SPATA17: variants seen among roughly 807,000 people sequenced by gnomAD.
The protein encoded by SPATA17 is spermatogenesis associated 17.
In SPATA17, 53 loss-of-function variants were observed where a neutral mutation model predicts 62.2. The ratio of observed to expected loss-of-function variants is 0.85; its 90% CI spans 0.68 to 1.07. The LOEUF (loss-of-function observed/expected upper bound fraction) is 1.07. SPATA17 is among the 50% of genes least tolerant of loss of function. The pLI is 0.00. For missense variants in SPATA17, 466 were observed against 425.5 expected (o/e 1.10, Z -0.84); for synonymous variants, 146 against 146.8 (o/e 0.99, Z 0.04).
chr1:217,682,637 C>A (rs935265773), intron 4 of SPATA17, among the ~76,000 whole-genome samples: 1 of 151,860 alleles, frequency 6.6e-6, no homozygotes, highest in African/African-American at 2.4e-5. Flanking sequence ...TAACTGTTTC[C>A]ACATCTGTAA....
rs144362975 is a variant in SPATA17, at chr1:217,767,982, C to G, written c.520-6352C>G. ...GAAATGTGGGCCCGGCGCAGTGGCT[C>G]ATGCTTGTAATTCCAGCACTTTGGG... is the stretch of plus-strand genomic sequence containing the variant. On this transcript the variant is annotated intron_variant, in intron 6 of 10. Transcript: ENST00000366933. 1.7e-3 allele frequency among the ~76,000 whole-genome samples: 262 copies of G among 152,274 alleles called. 1 individual carries two copies. The highest frequency in any genetic ancestry group is 3.2e-3 in the Non-Finnish European group (221 of 68,014).
At chr1:217,774,577 T>G (rs773829914) in intron 7 of SPATA17, 40 bp downstream of exon 7, 2 of 1,571,706 alleles carry the variant, frequency 1.3e-6, no homozygotes, top group Non-Finnish European at 1.7e-6. Context: ...ATTAATTTTA[T>G]TCTTGCTATT....
chr1:217,766,735 T>A (rs1255563521), intron 6 of SPATA17, among the ~76,000 whole-genome samples: 1 of 129,720 alleles, frequency 7.7e-6, no homozygotes, highest in Non-Finnish European at 1.7e-5. Flanking sequence ...TTTTTTTTTT[T>A]ATCTTGTCTT....
intron 1 of SPATA17, among the ~76,000 whole-genome samples, chr1:217,633,521 G>A (rs889841501): frequency 2.0e-5 from 3 of 152,138 alleles, no homozygotes; most frequent in Non-Finnish European, 4.4e-5. Flanking sequence ...CAGGGCAGGC[G>A]GATGTCTTGA....
chr1:217,700,413 G>T (rs1344894924), intron 5 of SPATA17, among the ~76,000 whole-genome samples: 2 of 152,042 alleles, frequency 1.3e-5, no homozygotes, highest in Non-Finnish European at 2.9e-5. Flanking sequence ...TAATTTGGAA[G>T]ATTTAAGCCT....
chr1:217,811,695 G>GA (rs34981943), intron 9 of SPATA17, among the ~76,000 whole-genome samples: 45,395 of 127,278 alleles, frequency 0.36, 8,421 homozygotes, highest in Non-Finnish European at 0.44. Context: ...TCCACCTCGA[G>GA]AAAAAAAAAA....
At chr1:217,817,813 A>G (rs538426013) in intron 9 of SPATA17, among the ~76,000 whole-genome samples, 1 of 152,152 alleles carries the variant, frequency 6.6e-6, no homozygotes, top group African/African-American at 2.4e-5. Context: ...TAGGTTAATG[A>G]CTAGGACCAC....
intron 3 of SPATA17, among the ~76,000 whole-genome samples, chr1:217,654,984 A>G (rs905978999): frequency 2.8e-4 from 43 of 152,210 alleles, no homozygotes; most frequent in African/African-American, 9.4e-4. Context: ...TGCTGGGATT[A>G]TAGGCGTGAG....
intron 4 of SPATA17, among the ~76,000 whole-genome samples, chr1:217,681,902 G>A (rs560745356): frequency 6.6e-6 from 1 of 151,728 alleles, no homozygotes; most frequent in Non-Finnish European, 1.5e-5. Flanking sequence ...ATGGACTGGT[G>A]CTTAGTCTCC....
Position 217,683,335 on chromosome 1 carries a change from C to A in SPATA17, c.369C>A (p.Val123=). The A allele has an allele frequency of 6.2e-7, 1 of 1,609,054 alleles. No homozygotes were observed. Among genetic ancestry groups the A allele is most frequent in the South Asian group, 1.1e-5 (1 of 90,448 alleles). ...NYYYLKEYLK[V]VSETNDAIRK... Reference sequence around the variant, plus strand: ...ATTATTTGAAAGAGTACCTGAAAGTCGTTTCAGAGACCAATGATGCAATTA... The same window carrying A: ...ATTATTTGAAAGAGTACCTGAAAGTAGTTTCAGAGACCAATGATGCAATTA... Residue 123 remains valine, a synonymous_variant, in exon 5 of 11, where the codon GTC becomes GTA. Transcript: ENST00000366933.
intron 1 of SPATA17, among the ~76,000 whole-genome samples, chr1:217,648,034 C>T (rs1320590708): frequency 6.6e-6 from 1 of 151,844 alleles, no homozygotes; most frequent in Non-Finnish European, 1.5e-5. Flanking sequence ...ACTCAAACCT[C>T]TTTTGTAGTT....
At chr1:217,851,636 GTGT>G (rs1675667667) in intron 9 of SPATA17, among the ~76,000 whole-genome samples, 1 of 152,092 alleles carries the variant, frequency 6.6e-6, no homozygotes, top group Non-Finnish European at 1.5e-5. Flanking sequence ...GATTAAAATG[GTGT>G]TGTTAGCAGA....
chr1:217,669,120 C>A, intron 4 of SPATA17, 37 bp downstream of exon 4: 1 of 1,572,210 alleles, frequency 6.4e-7, no homozygotes, highest in South Asian at 1.1e-5. Context: ...AATGAAAAGT[C>A]AATTGTGCCC....
intron 10 of SPATA17, among the ~76,000 whole-genome samples, chr1:217,866,327 A>G (rs1202601355): frequency 6.6e-6 from 1 of 152,110 alleles, no homozygotes; most frequent in African/African-American, 2.4e-5. Flanking sequence ...AAATATTATA[A>G]CCACCCCACC....
intron 9 of SPATA17, among the ~76,000 whole-genome samples, chr1:217,850,183 C>T (rs1216124815): frequency 1.3e-5 from 2 of 152,108 alleles, no homozygotes; most frequent in African/African-American, 4.8e-5. Context: ...AAAGTACAGT[C>T]GTGTACAACT....
At chr1:217,673,236 A>G (rs1036185203) in intron 4 of SPATA17, among the ~76,000 whole-genome samples, 3 of 152,272 alleles carry the variant, frequency 2.0e-5, no homozygotes, top group South Asian at 4.1e-4. Flanking sequence ...TTGCTCAAGT[A>G]TCATAACACA....
chr1:217,665,930 A>G (rs1670684248), intron 3 of SPATA17, among the ~76,000 whole-genome samples: 1 of 152,176 alleles, frequency 6.6e-6, no homozygotes, highest in Middle Eastern at 3.2e-3. Flanking sequence ...TTCAAATGCT[A>G]TTTTTTAATC....
At chr1:217,823,912 A>G (rs1344874803) in intron 9 of SPATA17, among the ~76,000 whole-genome samples, 1 of 152,048 alleles carries the variant, frequency 6.6e-6, no homozygotes, top group African/African-American at 2.4e-5. Context: ...TGATACAAGT[A>G]TCAATACTCC....
chr1:217,701,974 A>G (rs1671609936), intron 5 of SPATA17, among the ~76,000 whole-genome samples: 2 of 151,808 alleles, frequency 1.3e-5, no homozygotes, highest in Non-Finnish European at 2.9e-5. Flanking sequence ...TATAAATAAT[A>G]CAGAAATGTA....
Sources: gnomAD v4.1 joint callset for allele counts (sites outside exome capture counted in the v4.1 genomes callset) on GRCh38, gnomAD v4.1.1 for gene constraint, MANE v1.5 for transcripts, NCBI Gene and HGNC (gene_info 2026-07-23, HGNC 2026-07-21) for gene names.